Variants in DTHD1 observed in about 807,000 individuals in gnomAD.
The protein encoded by DTHD1 is death domain-containing protein 1.
In DTHD1, 59 loss-of-function variants were observed where a neutral mutation model predicts 74.8. The ratio of observed to expected loss-of-function variants is 0.79; its 90% confidence interval spans 0.64 to 0.98. The LOEUF is 0.98. Ranked by LOEUF, DTHD1 falls within the 50% of genes least tolerant of loss-of-function variation. The pLI, the probability that DTHD1 is intolerant of heterozygous loss-of-function variation, is 0.00. For missense variants in DTHD1, 1,051 were observed against 1,065.4 expected (o/e 0.99, Z 0.19); for synonymous variants, 365 against 371.1 (o/e 0.98, Z 0.19).
chr4:36,282,207 G>T (rs1277280591), intron 1 of DTHD1, among the ~76,000 whole-genome samples, 178 bp downstream of exon 1: 1 of 152,174 alleles, frequency 6.6e-6, no homozygotes, highest in Non-Finnish European at 1.5e-5. Context: ...GGACATTGGG[G>T]CCAGTCCCAT....
chr4:36,314,762 TTTTTTTTTG>T (rs1175752787), intron 7 of DTHD1, among the ~76,000 whole-genome samples: 1 of 139,176 alleles, frequency 7.2e-6, no homozygotes, highest in Non-Finnish European at 1.6e-5. Flanking sequence ...TTTTTTTTTT[TTTTTTTTTG>T]CATGCAAATT....
At chr4:36,299,927 G>A (rs1756660922) in intron 5 of DTHD1, among the ~76,000 whole-genome samples, 1 of 152,082 alleles carries the variant, frequency 6.6e-6, no homozygotes, top group African/African-American at 2.4e-5. Flanking sequence ...CTGAGATCAT[G>A]CCACTACACT....
intron 2 of DTHD1, 112 bp from the exon 3 acceptor site, chr4:36,290,261 A>T: frequency 8.9e-7 from 1 of 1,129,376 alleles, no homozygotes; most frequent in Non-Finnish European, 1.2e-6. Flanking sequence ...GTTGATCAGA[A>T]CTGGAATTCA....
At position 36,290,515 on chromosome 4, in the gene DTHD1, A is replaced by G; in HGVS notation, c.1030A>G (p.Ser344Gly). Residue 344 changes from serine to glycine, a missense_variant, in exon 3 of 10, where the codon AGC (serine) becomes GGC (glycine). Transcript: ENST00000639862. ...LIVGDNEELV[S>G]NVITIECSDK... ...AGTGGGTGATAATGAAGAGTTAGTT[A>G]GCAACGTCATAACTATTGAATGCTC... The G allele has an allele frequency of 6.4e-7, 1 of 1,551,726 alleles. No individual in the cohort carries two copies.
chr4:36,306,163 C>A, intron 5 of DTHD1, 28 bp from the exon 6 acceptor site: 1 of 1,527,612 alleles, frequency 6.5e-7, no homozygotes. Flanking sequence ...TAAATTGTAC[C>A]AATATCTCTT....
In DTHD1 at chr4:36,344,867, T is replaced by C. The variant is rs1386079408; in HGVS notation, c.*1043T>C. On this transcript the variant is annotated 3_prime_UTR_variant, in exon 10 of 10. Coordinates refer to ENST00000639862, the MANE Select transcript of DTHD1 (RefSeq NM_001170700.3). Reference sequence around the variant, plus strand: ...TACATAGATACCATAGAGCCTACAGTAAACAATACAAAATAAATTGGACTG... The same window carrying C: ...TACATAGATACCATAGAGCCTACAGCAAACAATACAAAATAAATTGGACTG... 6.6e-6 allele frequency: 1 copy of C among 152,068 alleles called. No individual in the cohort carries two copies. Among genetic ancestry groups the C allele is most frequent in the Non-Finnish European group, 1.5e-5 (1 of 68,006 alleles). 9.4% of individuals were successfully genotyped at this position (152,068 alleles called of 1,614,324 possible).
intron 5 of DTHD1, among the ~76,000 whole-genome samples, chr4:36,302,567 C>T (rs1046097933): frequency 1.3e-5 from 2 of 152,018 alleles, no homozygotes; most frequent in Admixed American, 1.3e-4. Context: ...ATATTTATGA[C>T]ATAATATTAA....
At chr4:36,292,151 G>T (rs1207710772) in intron 3 of DTHD1, among the ~76,000 whole-genome samples, 1 of 152,134 alleles carries the variant, frequency 6.6e-6, no homozygotes, top group Non-Finnish European at 1.5e-5. Flanking sequence ...AGTATCAGAA[G>T]TTTATAGGTA....
intron 1 of DTHD1, among the ~76,000 whole-genome samples, chr4:36,283,490 A>G (rs1055404614): frequency 2.0e-5 from 3 of 152,336 alleles, no homozygotes; most frequent in Non-Finnish European, 4.4e-5. Flanking sequence ...AAGCATCTAC[A>G]TTGGCAGAAA....
At position 36,283,831 on chromosome 4, in the gene DTHD1, C is replaced by T. The variant is rs997701917; in HGVS notation, c.272-145C>T. On this transcript the variant is annotated intron_variant, in intron 1 of 9. Transcript: ENST00000639862. ...AGTGACAGTTATACAATTACTTCTC[C>T]TTCAGGAGTTTGGCTTAAATGCACA... 7 of 618,906 alleles carry T rather than the reference C, an allele frequency of 1.1e-5. No homozygotes were observed. In the African/African-American group the frequency reaches 1.3e-4, roughly 11 times the overall value. 38.3% of individuals were successfully genotyped at this position (618,906 alleles called of 1,614,324 possible).
rs554452169 is a variant in DTHD1 at position 36,303,203 on chromosome 4, A to G, written c.1644-2988A>G. On this transcript the variant is annotated intron_variant, in intron 5 of 9. Transcript: ENST00000639862. ...GTTTGATCAAGTGCTACTCACTGTC[A>G]GACAATACTAGTTGTCAAACTTTGC... Among the ~76,000 whole-genome samples the G allele has an allele frequency of 5.6e-4, 86 of 152,340 alleles. No individual in the cohort carries two copies. In the South Asian group the frequency reaches 8.1e-3, roughly 14 times the overall value.
intron 8 of DTHD1, among the ~76,000 whole-genome samples, chr4:36,318,983 T>C (rs1395871464): frequency 6.6e-6 from 1 of 152,182 alleles, no homozygotes; most frequent in Admixed American, 6.5e-5. Context: ...ATGCGGCAAT[T>C]TTCCCTGAGA....
chr4:36,287,553 A>G (rs184972141), intron 2 of DTHD1, among the ~76,000 whole-genome samples: 133 of 152,298 alleles, frequency 8.7e-4, no homozygotes, highest in African/African-American at 3.0e-3. Flanking sequence ...TTCTTTAAGG[A>G]TTCTCCACAC....
At chr4:36,299,899 G>T (rs1756658862) in intron 5 of DTHD1, among the ~76,000 whole-genome samples, 1 of 152,106 alleles carries the variant, frequency 6.6e-6, no homozygotes, top group South Asian at 2.1e-4. Context: ...GAGCCCAGGA[G>T]ATTGAGGCTG....
At chr4:36,299,625 C>G (rs1192356488) in intron 5 of DTHD1, among the ~76,000 whole-genome samples, 1 of 152,190 alleles carries the variant, frequency 6.6e-6, no homozygotes, top group Non-Finnish European at 1.5e-5. Context: ...ATTGTATGCA[C>G]TCTGTCCTTC....
At chr4:36,308,882 T>C (rs567348662) in intron 7 of DTHD1, among the ~76,000 whole-genome samples, 10 of 152,170 alleles carry the variant, frequency 6.6e-5, no homozygotes, top group Non-Finnish European at 1.0e-4. Context: ...AATCATACTA[T>C]ATTATACCAG....
intron 8 of DTHD1, among the ~76,000 whole-genome samples, chr4:36,334,494 G>T (rs1758891410): frequency 6.6e-6 from 1 of 151,868 alleles, no homozygotes; most frequent in East Asian, 1.9e-4. Context: ...TGAGTAGCTG[G>T]GACTACAGGT....
chr4:36,284,322 G>A lies in DTHD1; in HGVS notation c.618G>A (p.Glu206=). Residue 206 remains glutamate (E), a synonymous_variant, in exon 2 of 10, where the codon GAG becomes GAA. Coordinates refer to ENST00000639862, the MANE Select transcript of DTHD1 (RefSeq NM_001170700.3). ...ATGGACGTGTACTGGGGCAAGAAGA[G>A]TCACAGAATAAAATGTTCCCAGATA... ...SLNGRVLGQE[E]SQNKMFPDNA... The A allele has an allele frequency of 6.5e-7, 1 of 1,537,180 alleles. No individual in the cohort carries two copies. The highest frequency in any genetic ancestry group is 8.7e-7 in the Non-Finnish European group (1 of 1,146,858).
chr4:36,287,889 T>C (rs1578434515), intron 2 of DTHD1, among the ~76,000 whole-genome samples: 2 of 152,308 alleles, frequency 1.3e-5, no homozygotes, highest in East Asian at 3.9e-4. Context: ...TATTAGTCCT[T>C]TGTCGGATAT....
Sources: gnomAD v4.1 joint callset for allele counts (sites outside exome capture counted in the v4.1 genomes callset) on GRCh38, gnomAD v4.1.1 for gene constraint, MANE v1.5 for transcripts, NCBI Gene and HGNC (gene_info 2026-07-23, HGNC 2026-07-21) for gene names.